The following ARHGAP21 variants were observed in gnomAD, a reference collection of about 807,000 sequenced individuals.
The protein encoded by ARHGAP21 is Rho GTPase activating protein 21.
A neutral mutation model predicts 164.6 loss-of-function variants in ARHGAP21; 38 were observed. The ratio of observed to expected loss-of-function variants is 0.23; its 90% CI spans 0.18 to 0.30. The LOEUF (loss-of-function observed/expected upper bound fraction) is 0.30. Among genes scored for constraint, ARHGAP21 ranks in the 10% least tolerant of loss-of-function variants. The pLI is 1.00. For synonymous variants in ARHGAP21, 766 were observed against 857.9 expected (o/e 0.89, Z 1.87); for missense variants, 1,822 against 2,370.7 (o/e 0.77, Z 4.81).
In ARHGAP21 at chr10:24,604,366, TATAA is replaced by T. The variant is rs762615778; in HGVS notation, c.2685-22_2685-19del. Reference sequence around the variant, plus strand: ...TAAAGGACCTGTTGGGGAAAAAATATATAAATATTTTCAATTAGTGCAAAAAAAA... The same window carrying T: ...TAAAGGACCTGTTGGGGAAAAAATATATATTTTCAATTAGTGCAAAAAAAA... On this transcript the variant is annotated intron_variant, in intron 11 of 25. Coordinates refer to ENST00000396432, the MANE Select transcript of ARHGAP21 (RefSeq NM_020824.4). 1.2e-5 allele frequency: 18 copies of T among 1,563,480 alleles called. No homozygotes were observed. The highest frequency in any genetic ancestry group is 1.6e-5 in the Non-Finnish European group (18 of 1,151,710).
intron 7 of ARHGAP21, among the ~76,000 whole-genome samples, chr10:24,628,495 C>T (rs1253318238): frequency 6.6e-6 from 1 of 151,840 alleles, no homozygotes; most frequent in Admixed American, 6.6e-5. Flanking sequence ...TACTGCCTTA[C>T]AAATGAAGAA....
chr10:24,649,538 G>A (rs1352854859), intron 4 of ARHGAP21, among the ~76,000 whole-genome samples: 1 of 152,138 alleles, frequency 6.6e-6, no homozygotes, highest in Non-Finnish European at 1.5e-5. Flanking sequence ...TCTAAGAAGT[G>A]GCCATGGGCT....
At chr10:24,646,158 CT>C (rs1837550335) in intron 4 of ARHGAP21, among the ~76,000 whole-genome samples, 2 of 152,158 alleles carry the variant, frequency 1.3e-5, no homozygotes, top group Admixed American at 1.3e-4. Context: ...GAAAAATTAT[CT>C]GTTAAACATC....
At position 24,595,200 on chromosome 10, in the gene ARHGAP21, A is replaced by T. The variant is rs1381087430; in HGVS notation, c.3713-10T>A. 2.5e-6 allele frequency: 4 copies of T among 1,603,736 alleles called. No homozygotes were observed. The highest frequency in any genetic ancestry group is 2.6e-6 in the Non-Finnish European group (3 of 1,175,126). ...AAATCAGCATATTTATCTGACGACA[A>T]GAACAATAAAACAAATTTATCTTAA... On this transcript the variant is annotated splice_polypyrimidine_tract_variant and intron_variant, in intron 19 of 25. Coordinates refer to ENST00000396432, the MANE Select transcript of ARHGAP21 (RefSeq NM_020824.4).
chr10:24,708,145 A>G (rs1197411685), intron 2 of ARHGAP21, among the ~76,000 whole-genome samples: 2 of 152,218 alleles, frequency 1.3e-5, no homozygotes, highest in Non-Finnish European at 2.9e-5. Context: ...TCAAATTCAA[A>G]GTCCTCAAAA....
rs547524983 is a variant in ARHGAP21, at chr10:24,644,032, T to C, written c.269-8929A>G. Among the ~76,000 whole-genome samples the C allele has an allele frequency of 3.3e-5, 5 of 152,242 alleles. No homozygotes were observed. In the East Asian group the frequency reaches 9.6e-4, roughly 29 times the overall value. Reference sequence around the variant, plus strand: ...CCCGGCCATCATAAACCTCTTTAACTTGCTGTTCCATGCTGATTTCCTCAC... The same window carrying C: ...CCCGGCCATCATAAACCTCTTTAACCTGCTGTTCCATGCTGATTTCCTCAC... On this transcript the variant is annotated intron_variant, in intron 4 of 25. Transcript: ENST00000396432.
At chr10:24,657,911 T>C (rs1593195580) in intron 4 of ARHGAP21, among the ~76,000 whole-genome samples, 1 of 134,094 alleles carries the variant, frequency 7.5e-6, no homozygotes, top group South Asian at 2.8e-4. Flanking sequence ...ACACAAACAC[T>C]GCGGAAGGCC....
intron 2 of ARHGAP21, among the ~76,000 whole-genome samples, chr10:24,697,352 GAC>G (rs1422022800): frequency 2.0e-5 from 3 of 152,010 alleles, no homozygotes; most frequent in Non-Finnish European, 4.4e-5. Flanking sequence ...AAAAGAAAGA[GAC>G]AAAAAGAAAG....
chr10:24,656,393 G>T (rs1336843902), intron 4 of ARHGAP21, among the ~76,000 whole-genome samples: 1 of 103,116 alleles, frequency 9.7e-6, no homozygotes. Context: ...GGGAGGTGGG[G>T]GGGTCAGCCC....
intron 4 of ARHGAP21, 73 bp from the exon 5 acceptor site, chr10:24,635,176 T>C: frequency 1.1e-6 from 1 of 890,890 alleles, no homozygotes; most frequent in Non-Finnish European, 1.6e-6. Flanking sequence ...TAAAATAGTA[T>C]TTGAGAGAAT....
At chr10:24,721,097 G>C (rs2132352601) in intron 2 of ARHGAP21, among the ~76,000 whole-genome samples, 1 of 152,170 alleles carries the variant, frequency 6.6e-6, no homozygotes, top group Non-Finnish European at 1.5e-5. Flanking sequence ...AGGAAGTCTG[G>C]AGTAAAATCT....
intron 14 of ARHGAP21, among the ~76,000 whole-genome samples, chr10:24,598,608 A>G (rs1011584699): frequency 1.3e-5 from 2 of 152,206 alleles, no homozygotes; most frequent in African/African-American, 4.8e-5. Flanking sequence ...TGGTAAACCC[A>G]GAGTTGACCA....
Position 24,671,798 on chromosome 10 carries a change from C to T in ARHGAP21, c.64-1401G>A, listed in dbSNP as rs12572833. ...AGTGCAGTGCCATGATCATAGTTCA[C>T]TGCAGACTGGATCACAGGGGCTCAG... is the stretch of plus-strand genomic sequence containing the variant. On this transcript the variant is annotated intron_variant, in intron 2 of 25. Coordinates refer to ENST00000396432, the MANE Select transcript of ARHGAP21 (RefSeq NM_020824.4). 1.5e-3 allele frequency among the ~76,000 whole-genome samples: 229 copies of T among 150,520 alleles called. 5 individuals are homozygous for T. In the East Asian group the frequency reaches 0.038, roughly 25 times the overall value.
chr10:24,600,923 C>G lies in ARHGAP21; in HGVS notation c.2855G>C (p.Gly952Ala). ...CTGTTTCCATGGCCGAATACTTCCA[C>G]CAACTCGCTAGAAAACATGCGACAG... Reference protein sequence around the residue: ...PLVTDKGKRVGGSIRPWKQMY... With the variant: ...PLVTDKGKRVAGSIRPWKQMY... Residue 952 changes from glycine (G) to alanine (A), a missense_variant, in exon 14 of 26, where the codon GGT becomes GCT. By Grantham distance (60) the Gly-to-Ala change is moderately conservative (BLOSUM62 0). Coordinates refer to ENST00000396432, the MANE Select transcript of ARHGAP21 (RefSeq NM_020824.4). The G allele has an allele frequency of 1.9e-6, 3 of 1,609,170 alleles. No individual in the cohort carries two copies. Among genetic ancestry groups the G allele is most frequent in the Non-Finnish European group, 2.6e-6 (3 of 1,176,136 alleles).
chr10:24,590,097 T>G, intron 24 of ARHGAP21: 1 of 1,037,376 alleles, frequency 9.6e-7, no homozygotes, highest in Non-Finnish European at 1.2e-6. Flanking sequence ...AGTTTCATCT[T>G]TCAACATTAG....
intron 2 of ARHGAP21, among the ~76,000 whole-genome samples, chr10:24,709,988 T>G (rs1250200304): frequency 6.6e-6 from 1 of 152,192 alleles, no homozygotes; most frequent in Non-Finnish European, 1.5e-5. Context: ...TATCTCTTTA[T>G]GTCTGTTTTG....
chr10:24,594,016 TGCACA>T (rs1181836565), intron 21 of ARHGAP21, among the ~76,000 whole-genome samples: 1 of 152,172 alleles, frequency 6.6e-6, no homozygotes, highest in Non-Finnish European at 1.5e-5. Context: ...TTCCAGAACA[TGCACA>T]GTCACTAAAC....
chr10:24,695,430 G>A (rs1057373174), intron 2 of ARHGAP21, among the ~76,000 whole-genome samples: 14 of 151,992 alleles, frequency 9.2e-5, no homozygotes, highest in African/African-American at 2.7e-4. Context: ...TTAGCTGGGC[G>A]TGGTGGCGGG....
At chr10:24,698,519 C>T (rs557180069) in intron 2 of ARHGAP21, among the ~76,000 whole-genome samples, 2 of 152,286 alleles carry the variant, frequency 1.3e-5, no homozygotes, top group East Asian at 1.9e-4. Flanking sequence ...ACAGATGGGT[C>T]GGCCATCCAT....
Sources: allele counts gnomAD v4.1 joint callset (sites outside exome capture counted in the v4.1 genomes callset), GRCh38; gene constraint gnomAD v4.1.1; transcripts MANE v1.5; gene names NCBI Gene and HGNC (gene_info 2026-07-23, HGNC 2026-07-21).